TSHZ2: variants seen among roughly 807,000 people sequenced by gnomAD.
TSHZ2 encodes the protein teashirt zinc finger homeobox 2, also known as teashirt homolog 2.
In TSHZ2, 21 loss-of-function variants were observed where a neutral mutation model predicts 74.4. The observed-to-expected ratio is 0.28, with a 90% CI of 0.20 to 0.41. TSHZ2 has a LOEUF of 0.41. Ranked by LOEUF, TSHZ2 falls within the 10% of genes least tolerant of loss-of-function variation. The pLI is 1.00. For missense variants in TSHZ2, 1,244 were observed against 1,293.5 expected, an observed-to-expected ratio of 0.96 and a Z score of 0.59; for synonymous variants, 540 against 515.3, an observed-to-expected ratio of 1.05 and a Z score of -0.65.
chr20:53,363,580 G>C (rs1169726876), intron 2 of TSHZ2, among the ~76,000 whole-genome samples: 1 of 152,222 alleles, frequency 6.6e-6, no homozygotes, highest in Non-Finnish European at 1.5e-5. Flanking sequence ...GGGATGCAGA[G>C]GAGATTCATC....
chr20:53,219,191 T>C (rs1051461713), intron 1 of TSHZ2, among the ~76,000 whole-genome samples: 5 of 152,224 alleles, frequency 3.3e-5, no homozygotes, highest in Non-Finnish European at 5.9e-5. Context: ...ACAGAGTCTA[T>C]TGAAATGCTG....
intron 2 of TSHZ2, among the ~76,000 whole-genome samples, chr20:53,285,183 T>C (rs537736918): frequency 5.9e-5 from 9 of 152,178 alleles, no homozygotes; most frequent in African/African-American, 1.9e-4. Flanking sequence ...AACACGGTAT[T>C]AAAAAGTTAA....
At chr20:53,100,581 T>G (rs562097661) in intron 1 of TSHZ2, among the ~76,000 whole-genome samples, 3 of 152,318 alleles carry the variant, frequency 2.0e-5, no homozygotes, top group African/African-American at 7.2e-5. Flanking sequence ...GGCATCTGTT[T>G]GCTGTCAGTT....
chr20:53,471,803 CTTTTTTTTTTTT>C (rs58027394), intron 2 of TSHZ2, among the ~76,000 whole-genome samples: 2 of 87,270 alleles, frequency 2.3e-5, no homozygotes, highest in Admixed American at 1.3e-4. Context: ...CTTTTCTTTT[CTTTTTTTTTTTT>C]TTTTTTTTGA....
intron 1 of TSHZ2, among the ~76,000 whole-genome samples, chr20:53,210,515 C>T (rs527963012): frequency 2.0e-5 from 3 of 152,100 alleles, no homozygotes; most frequent in Admixed American, 1.3e-4. Context: ...TTCCTGTCAG[C>T]ATTCAGACGT....
chr20:53,159,564 A>G (rs968322763), intron 1 of TSHZ2, among the ~76,000 whole-genome samples: 1 of 152,222 alleles, frequency 6.6e-6, no homozygotes, highest in Non-Finnish European at 1.5e-5. Flanking sequence ...TGGAACACAC[A>G]TAATGTCTAT....
intron 1 of TSHZ2, among the ~76,000 whole-genome samples, chr20:52,974,970 A>T (rs1981273366): frequency 6.6e-6 from 1 of 151,836 alleles, no homozygotes; most frequent in Non-Finnish European, 1.5e-5. Context: ...TCTTTTTTCA[A>T]CTCTAGTTAC....
chr20:53,462,926 CT>C (rs1390023787), intron 2 of TSHZ2, among the ~76,000 whole-genome samples: 1 of 152,130 alleles, frequency 6.6e-6, no homozygotes, highest in Non-Finnish European at 1.5e-5. Context: ...CCAGTTGACC[CT>C]TCTGCATAAT....
rs1305611987 is a variant in TSHZ2, at chr20:52,973,400, C to G, written c.40+67C>G. On this transcript the variant is annotated intron_variant, in intron 1 of 2. Transcript: ENST00000371497. ...AGCTCCTCGCCCGCCCTCCTTGCCC[C>G]TGGGTGCCCGGGGGCACCACCCACT... The G allele has an allele frequency of 3.2e-6, 5 of 1,541,386 alleles. No homozygotes were observed. In the Admixed American group the frequency reaches 1.0e-4, roughly 31 times the overall value.
chr20:53,058,894 G>A (rs758611853), intron 1 of TSHZ2, among the ~76,000 whole-genome samples: 4 of 152,108 alleles, frequency 2.6e-5, no homozygotes, highest in South Asian at 4.1e-4. Context: ...CATATATTTC[G>A]TTTGTTTGAA....
At chr20:53,280,117 C>G (rs1991026139) in intron 2 of TSHZ2, among the ~76,000 whole-genome samples, 1 of 152,128 alleles carries the variant, frequency 6.6e-6, no homozygotes, top group African/African-American at 2.4e-5. Context: ...TGACTCTGCT[C>G]CTGTGTGCAG....
chr20:53,452,433 G>A (rs1188367736), intron 2 of TSHZ2, among the ~76,000 whole-genome samples: 3 of 151,906 alleles, frequency 2.0e-5, no homozygotes, highest in Admixed American at 1.3e-4. Context: ...AACCCCATCT[G>A]TACTAAAAAT....
At chr20:53,253,151 A>C (rs561812793) in intron 1 of TSHZ2, among the ~76,000 whole-genome samples, 2 of 152,264 alleles carry the variant, frequency 1.3e-5, no homozygotes, top group Admixed American at 6.5e-5. Context: ...CTTTAATGGG[A>C]TATGAATTTC....
chr20:53,072,802 GGCAGGTAAATTCACTA>G (rs1262211924), intron 1 of TSHZ2, among the ~76,000 whole-genome samples: 1 of 152,098 alleles, frequency 6.6e-6, no homozygotes, highest in Non-Finnish European at 1.5e-5. Flanking sequence ...GGGGGGTCGA[GGCAGGTAAATTCACTA>G]GAATGGGATC....
Position 53,256,506 on chromosome 20 carries a change from G to A in TSHZ2, c.3048G>A (p.Thr1016=), listed in dbSNP as rs538141535. 3.0e-5 allele frequency: 48 copies of A among 1,612,280 alleles called. No homozygotes were observed. The highest frequency in any genetic ancestry group is 8.3e-5 in the Admixed American group (5 of 59,920). Residue 1016 remains threonine, a synonymous_variant, in exon 2 of 3, where the codon ACG becomes ACA. Coordinates refer to ENST00000371497, the MANE Select transcript of TSHZ2 (RefSeq NM_173485.6). The surrounding 1 kb of genome is among the most constrained non-coding windows in gnomAD (Gnocchi z 4.3). ...CGGTAAAACTCCACCTAAGCAAAACGCACAGCAAGTCACCCGAACACCATT... is the reference window on the plus strand; with the variant it reads ...CGGTAAAACTCCACCTAAGCAAAACACACAGCAAGTCACCCGAACACCATT... The part of the protein sequence containing the change: ...KHAVKLHLSK[T]HSKSPEHHSQ...
At chr20:53,114,910 T>G (rs1422824264) in intron 1 of TSHZ2, among the ~76,000 whole-genome samples, 1 of 152,184 alleles carries the variant, frequency 6.6e-6, no homozygotes, top group African/African-American at 2.4e-5. Flanking sequence ...TGCCCACCAA[T>G]TCTGAGGGTG....
chr20:53,300,179 A>G (rs777401868), intron 2 of TSHZ2, among the ~76,000 whole-genome samples: 3 of 152,146 alleles, frequency 2.0e-5, no homozygotes, highest in Non-Finnish European at 2.9e-5. Context: ...AGACGTTCAC[A>G]TTTTCATAGG....
chr20:53,440,390 G>C (rs1477190703), intron 2 of TSHZ2, among the ~76,000 whole-genome samples: 1 of 152,198 alleles, frequency 6.6e-6, no homozygotes, highest in Non-Finnish European at 1.5e-5. Context: ...GGGGTTCCTG[G>C]AATTGTCACC....
chr20:53,413,572 T>C (rs1001468605), intron 2 of TSHZ2, among the ~76,000 whole-genome samples: 10 of 152,238 alleles, frequency 6.6e-5, no homozygotes, highest in Non-Finnish European at 4.4e-5. Flanking sequence ...CTATTTCATA[T>C]GGTGGGTAGG....
Sources: gnomAD v4.1 joint callset for allele counts (sites outside exome capture counted in the v4.1 genomes callset) on GRCh38, gnomAD v4.1.1 for gene constraint, Gnocchi (gnomAD v3.1) non-coding constraint, MANE v1.5 for transcripts, NCBI Gene and HGNC (gene_info 2026-07-23, HGNC 2026-07-21) for gene names.